Variants in TRAPPC9 observed in about 807,000 individuals in gnomAD.
The protein encoded by TRAPPC9 is trafficking protein particle complex subunit 9.
Under a neutral mutation model 124.0 loss-of-function variants are expected in TRAPPC9, and 83 were observed. The observed-to-expected ratio is 0.67, with a 90% CI of 0.56 to 0.80. TRAPPC9 has a LOEUF of 0.80. Among genes scored for constraint, TRAPPC9 ranks in the 30% least tolerant of loss-of-function variants. The pLI is 0.00. For synonymous variants in TRAPPC9, 638 were observed against 617.5 expected (o/e 1.03, Z -0.49); for missense variants, 1,302 against 1,508.3 (o/e 0.86, Z 2.27).
Position 139,960,757 on chromosome 8 carries a change from C to G in TRAPPC9, c.2810+27969G>C, listed in dbSNP as rs923756298. The stretch of plus-strand genomic sequence containing the variant: ...GGACACCCAAGCACCCCACCTGGCC[C>G]TCAGGAAGAGCCCCAAGTGACAGAG... On this transcript the variant is annotated intron_variant, in intron 19 of 22. Transcript: ENST00000438773. Among the ~76,000 whole-genome samples, 35 of 124,942 alleles carry G rather than the reference C, an allele frequency of 2.8e-4. 4 individuals carry two copies. Among genetic ancestry groups the G allele is most frequent in the African/African-American group, 7.9e-4 (31 of 39,416 alleles). The allele number at this position is 124,942 out of a possible 152,430, so 82.0% of individuals were successfully genotyped here. A position where few individuals can be genotyped will look rare whatever the true frequency, so the allele number is the denominator to read the frequency against.
intron 2 of TRAPPC9, among the ~76,000 whole-genome samples, chr8:140,439,399 T>A (rs2070931665): frequency 6.6e-6 from 1 of 152,238 alleles, no homozygotes; most frequent in African/African-American, 2.4e-5. Context: ...CCAAGCAATT[T>A]GTTTAAAGGT....
At chr8:140,281,340 T>C (rs1332353609) in intron 14 of TRAPPC9, among the ~76,000 whole-genome samples, 2 of 152,220 alleles carry the variant, frequency 1.3e-5, no homozygotes, top group Non-Finnish European at 2.9e-5. Flanking sequence ...GAGCCTCACA[T>C]GGTGCCAGTT....
intron 9 of TRAPPC9, among the ~76,000 whole-genome samples, chr8:140,317,607 A>T (rs1228223246): frequency 6.6e-6 from 1 of 152,208 alleles, no homozygotes; most frequent in African/African-American, 2.4e-5. Context: ...TTTCACAGTG[A>T]TAAGATTATA....
rs1587994785 is a variant in TRAPPC9 at position 140,241,029 on chromosome 8, A to G, written c.2431+11748T>C. On this transcript the variant is annotated intron_variant, in intron 16 of 22. Transcript: ENST00000438773. This position sits in a 1 kb window ranked among gnomAD's most constrained non-coding sequence, Gnocchi z 5.0. The stretch of plus-strand genomic sequence containing the variant: ...CTGGGTCATCTAAGCTGTCCAGACC[A>G]GCCTTTATTCAGGGCCACCCTGTCA... Among the ~76,000 whole-genome samples, 1 of 152,172 alleles carries G rather than the reference A, an allele frequency of 6.6e-6. No individual in the cohort carries two copies. Among genetic ancestry groups the G allele is most frequent in the African/African-American group, 2.4e-5 (1 of 41,444 alleles).
At chr8:140,223,083 C>T (rs1285101084) in intron 16 of TRAPPC9, among the ~76,000 whole-genome samples, 3 of 152,098 alleles carry the variant, frequency 2.0e-5, no homozygotes, top group Admixed American at 6.6e-5. Flanking sequence ...TAAACGTGTG[C>T]CATGGTGGTT....
rs150384627 is a variant in TRAPPC9, at chr8:139,866,870, C to T, written c.3055+19009G>A. Among the ~76,000 whole-genome samples the T allele has an allele frequency of 3.8e-3, 584 of 152,278 alleles. 3 individuals carry two copies. Among genetic ancestry groups the T allele is most frequent in the Admixed American group, 5.6e-3 (86 of 15,296 alleles). On this transcript the variant is annotated intron_variant, in intron 21 of 22. Coordinates refer to ENST00000438773, the MANE Select transcript of TRAPPC9 (RefSeq NM_001160372.4). ...GCAACATCCCAATATGAATGACACC[C>T]CACCCTGCCAAAGTATGGATCTTGG...
At chr8:140,268,393 T>C (rs2064761501) in intron 15 of TRAPPC9, among the ~76,000 whole-genome samples, 1 of 152,202 alleles carries the variant, frequency 6.6e-6, no homozygotes, top group East Asian at 1.9e-4. Flanking sequence ...TTACTCCCTT[T>C]GTGTATTTTG....
At chr8:140,205,902 A>T (rs1333286406) in intron 17 of TRAPPC9, among the ~76,000 whole-genome samples, 2 of 152,198 alleles carry the variant, frequency 1.3e-5, no homozygotes, top group African/African-American at 4.8e-5. Flanking sequence ...AGTCTCTGAC[A>T]AGTGGCCACT....
At chr8:140,053,869 C>G (rs1287955816) in intron 17 of TRAPPC9, among the ~76,000 whole-genome samples, 1 of 152,162 alleles carries the variant, frequency 6.6e-6, no homozygotes, top group Non-Finnish European at 1.5e-5. Context: ...GACACTTGTA[C>G]TCATATGCTT....
intron 6 of TRAPPC9, among the ~76,000 whole-genome samples, chr8:140,402,384 C>G (rs2069308533): frequency 6.9e-6 from 1 of 144,628 alleles, no homozygotes; most frequent in East Asian, 2.1e-4. Flanking sequence ...GGCAACAGAG[C>G]AAGACCCTGT....
At chr8:140,007,982 G>T (rs1418598935) in intron 18 of TRAPPC9, among the ~76,000 whole-genome samples, 1 of 152,206 alleles carries the variant, frequency 6.6e-6, no homozygotes, top group African/African-American at 2.4e-5. Context: ...GATGACACAT[G>T]GAACTCGGGA....
intron 17 of TRAPPC9, among the ~76,000 whole-genome samples, chr8:140,114,350 A>AC (rs1233476761): frequency 7.8e-4 from 119 of 151,634 alleles, no homozygotes; most frequent in Non-Finnish European, 1.3e-3. Flanking sequence ...AAAAAAAAAA[A>AC]ACCTCACAAA....
intron 21 of TRAPPC9, among the ~76,000 whole-genome samples, chr8:139,840,739 C>T (rs1175880703): frequency 1.3e-5 from 2 of 152,182 alleles, no homozygotes; most frequent in Non-Finnish European, 2.9e-5. Context: ...TGCCCATTCT[C>T]GGATGTGTCA....
chr8:140,369,249 AC>A (rs1417988752), intron 8 of TRAPPC9, among the ~76,000 whole-genome samples: 84 of 152,188 alleles, frequency 5.5e-4, no homozygotes, highest in African/African-American at 2.0e-3. Flanking sequence ...CTTAGGAGTG[AC>A]TGTCACAGCA....
chr8:140,128,512 A>C (rs2061139192), intron 17 of TRAPPC9, among the ~76,000 whole-genome samples: 1 of 152,248 alleles, frequency 6.6e-6, no homozygotes. Context: ...AACTGTGTCC[A>C]ATTTTTCCAA....
At chr8:140,325,645 T>C (rs1298456450) in intron 9 of TRAPPC9, among the ~76,000 whole-genome samples, 1 of 152,184 alleles carries the variant, frequency 6.6e-6, no homozygotes, top group African/African-American at 2.4e-5. Flanking sequence ...AAAATTTCCA[T>C]CCCAGATGGC....
At chr8:139,932,298 C>T (rs767397377) in intron 19 of TRAPPC9, 2 of 457,702 alleles carry the variant, frequency 4.4e-6, no homozygotes, top group Admixed American at 2.3e-5. Context: ...GGGAGAATGT[C>T]CCCACCTCGT....
At chr8:140,453,930 G>A (rs139795220) in intron 1 of TRAPPC9, among the ~76,000 whole-genome samples, 33 of 152,292 alleles carry the variant, frequency 2.2e-4, no homozygotes, top group African/African-American at 7.9e-4. Context: ...GAGAAACACC[G>A]AAGCCTTCAT....
At chr8:139,779,926 C>T (rs1396098726) in intron 21 of TRAPPC9, among the ~76,000 whole-genome samples, 1 of 151,996 alleles carries the variant, frequency 6.6e-6, no homozygotes, top group African/African-American at 2.4e-5. Flanking sequence ...ACTAGCATCC[C>T]CAAAATGAAA....
Sources: gnomAD v4.1 joint callset for allele counts (sites outside exome capture counted in the v4.1 genomes callset) on GRCh38, gnomAD v4.1.1 for gene constraint, Gnocchi (gnomAD v3.1) non-coding constraint, MANE v1.5 for transcripts, NCBI Gene and HGNC (gene_info 2026-07-23, HGNC 2026-07-21) for gene names.